The following MYO10 variants were observed in gnomAD, a reference collection of about 807,000 sequenced individuals.
MYO10 encodes unconventional myosin-X.
A neutral mutation model predicts 257.3 loss-of-function variants in MYO10; 133 were observed. The observed-to-expected ratio is 0.52, with a 90% CI of 0.45 to 0.60. The LOEUF is 0.60. MYO10 is among the 20% of genes least tolerant of loss of function. The pLI is 0.00. For missense variants in MYO10, 2,399 were observed against 2,635.7 expected (o/e 0.91, Z 1.97); for synonymous variants, 1,104 against 1,028.6 (o/e 1.07, Z -1.40).
intron 2 of MYO10, among the ~76,000 whole-genome samples, chr5:16,825,080 A>G (rs1742960737): frequency 6.6e-6 from 1 of 152,196 alleles, no homozygotes; most frequent in South Asian, 2.1e-4. Flanking sequence ...TGCATTAATT[A>G]TGGTCAAACA....
intron 5 of MYO10, 69 bp downstream of exon 5, chr5:16,783,266 T>G: frequency 1.4e-6 from 2 of 1,424,974 alleles, no homozygotes; most frequent in Admixed American, 2.9e-5. Flanking sequence ...ATTTTAACTC[T>G]TCTTTAAATA....
chr5:16,703,715 C>T (rs1738195028), intron 22 of MYO10, among the ~76,000 whole-genome samples: 1 of 151,838 alleles, frequency 6.6e-6, no homozygotes, highest in South Asian at 2.1e-4. Context: ...AACCCTGTCT[C>T]TACTAAAAAT....
rs553720508 is a variant in MYO10, at chr5:16,689,698, G to C, written c.3896+126C>G. 54 of 705,860 alleles carry C rather than the reference G, an allele frequency of 7.7e-5. No individual in the cohort carries two copies. In the South Asian group the frequency reaches 9.4e-4, roughly 12 times the overall value. 43.7% of individuals were successfully genotyped at this position (705,860 alleles called of 1,614,324 possible). ...GTGCATCAATCTCGTATGACTCTTG[G>C]TTCTTCAAAAAAAGTCAATTAAAAT... On this transcript the variant is annotated intron_variant, in intron 28 of 40. Transcript: ENST00000513610.
At position 16,680,123 on chromosome 5, in the gene MYO10, C is replaced by A. The variant is rs373001406; in HGVS notation, c.4385-19G>T. 1.4e-5 allele frequency: 22 copies of A among 1,601,414 alleles called. No homozygotes were observed. Among genetic ancestry groups the A allele is most frequent in the Non-Finnish European group, 1.8e-5 (21 of 1,170,594 alleles). On this transcript the variant is annotated intron_variant, in intron 32 of 40. Transcript: ENST00000513610. ...CAGTAGCCTGCAATGGCAGGGGTGCCCAGCACACGCACGTCAACGCCAACC... is the reference window on the plus strand; with the variant it reads ...CAGTAGCCTGCAATGGCAGGGGTGCACAGCACACGCACGTCAACGCCAACC...
chr5:16,777,155 C>T (rs2126665018), intron 9 of MYO10, among the ~76,000 whole-genome samples: 1 of 152,264 alleles, frequency 6.6e-6, no homozygotes, highest in African/African-American at 2.4e-5. Context: ...TAGAAAAACA[C>T]TGCATAAAAC....
At chr5:16,762,766 C>CCT in intron 14 of MYO10, 129 bp from the exon 15 acceptor site, 1 of 618,338 alleles carries the variant, frequency 1.6e-6, no homozygotes, top group Non-Finnish European at 2.8e-6. Flanking sequence ...GAGTTCCAGA[C>CCT]CAGCCTGGCC....
At chr5:16,762,015 A>G (rs781571479) in intron 16 of MYO10, 30 bp downstream of exon 16, 1 of 1,496,716 alleles carries the variant, frequency 6.7e-7, no homozygotes, top group South Asian at 1.3e-5. Context: ...AAACAGGCAA[A>G]TATCAATAGG....
chr5:16,744,541 A>G (rs1303783356), intron 19 of MYO10, among the ~76,000 whole-genome samples: 2 of 151,942 alleles, frequency 1.3e-5, no homozygotes, highest in Admixed American at 1.3e-4. Context: ...GCACCCCGAC[A>G]CCCTGGGTCT....
intron 22 of MYO10, among the ~76,000 whole-genome samples, chr5:16,703,900 A>G (rs1480131549): frequency 6.6e-6 from 1 of 151,126 alleles, no homozygotes; most frequent in African/African-American, 2.4e-5. Context: ...AAAAAAAAAA[A>G]AAAAAAGAAG....
chr5:16,748,058 A>G (rs577125811), intron 19 of MYO10, among the ~76,000 whole-genome samples: 1 of 151,010 alleles, frequency 6.6e-6, no homozygotes, highest in Non-Finnish European at 1.5e-5. Flanking sequence ...CGAACTTTTT[A>G]AAGAAATATT....
chr5:16,720,183 C>T (rs939653560), intron 19 of MYO10, among the ~76,000 whole-genome samples: 36 of 151,998 alleles, frequency 2.4e-4, no homozygotes, highest in African/African-American at 8.0e-4. Flanking sequence ...GTAGAGAGCC[C>T]GAGATCTGGC....
Position 16,666,695 on chromosome 5 carries a change from C to A in MYO10, c.6174G>T (p.Arg2058Ser), listed in dbSNP as rs1262743938. Residue 2058 changes from arginine to serine, a missense_variant, in exon 41 of 41, where the codon AGG (arginine) becomes AGT (serine). By Grantham distance (110) the Arg-to-Ser change is moderately radical (BLOSUM62 -1). Transcript: ENST00000513610. The part of the protein sequence containing the change: ...TRSASSQGSS[R>S] ...ACAGGTGGGCTCTGTCCCGCCTTCA[C>A]CTGGAGCTGCCCTGGCTGCTGGCGG... 4 of 1,599,868 alleles carry A rather than the reference C, an allele frequency of 2.5e-6. No homozygotes were observed. The highest frequency in any genetic ancestry group is 3.4e-6 in the Non-Finnish European group (4 of 1,175,032).
chr5:16,816,184 C>T (rs1238820614), intron 3 of MYO10, among the ~76,000 whole-genome samples: 1 of 151,438 alleles, frequency 6.6e-6, no homozygotes, highest in Non-Finnish European at 1.5e-5. Context: ...ACTGAAAATA[C>T]AAAAATTAGC....
At chr5:16,733,497 C>T (rs889053924) in intron 19 of MYO10, among the ~76,000 whole-genome samples, 4 of 152,164 alleles carry the variant, frequency 2.6e-5, no homozygotes, top group African/African-American at 9.6e-5. Context: ...TCAGTGCCGT[C>T]TGCTCTGAGA....
chr5:16,775,745 G>A (rs1297025994), intron 9 of MYO10, among the ~76,000 whole-genome samples: 1 of 151,082 alleles, frequency 6.6e-6, no homozygotes, highest in Non-Finnish European at 1.5e-5. Flanking sequence ...TGGGACTACA[G>A]GCACGTGCCA....
At position 16,772,040 on chromosome 5, in the gene MYO10, A is replaced by G. The variant is rs182275458; in HGVS notation, c.931-2837T>C. Among the ~76,000 whole-genome samples, 46 of 152,328 alleles carry G rather than the reference A, an allele frequency of 3.0e-4. 2 individuals carry two copies. Among genetic ancestry groups the G allele is most frequent in the Admixed American group, 3.0e-3 (46 of 15,302 alleles). On this transcript the variant is annotated intron_variant, in intron 9 of 40. Transcript: ENST00000513610. Reference sequence around the variant, plus strand: ...AAAACCTTTAGAAAACATTCACTACAGAGTTACCTTAATTAACACTTTCAC... The same window carrying G: ...AAAACCTTTAGAAAACATTCACTACGGAGTTACCTTAATTAACACTTTCAC...
intron 27 of MYO10, among the ~76,000 whole-genome samples, chr5:16,691,607 G>A (rs1737508362): frequency 6.6e-6 from 1 of 151,620 alleles, no homozygotes; most frequent in Admixed American, 6.6e-5. Context: ...GCTGAGGCAG[G>A]AGAATCACTT....
intron 10 of MYO10, among the ~76,000 whole-genome samples, chr5:16,767,086 G>A (rs1412261033): frequency 6.6e-6 from 1 of 150,588 alleles, no homozygotes; most frequent in African/African-American, 2.4e-5. Flanking sequence ...TCTCTCACCA[G>A]TATACAGAAG....
intron 2 of MYO10, among the ~76,000 whole-genome samples, chr5:16,867,948 G>A (rs56798969): frequency 0.34 from 51,699 of 152,032 alleles, 9,292 homozygotes; most frequent in Non-Finnish European, 0.41. Context: ...ACCCTATAGA[G>A]AGACAATTCA....
Sources: allele counts gnomAD v4.1 joint callset (sites outside exome capture counted in the v4.1 genomes callset), GRCh38; gene constraint gnomAD v4.1.1; transcripts MANE v1.5; gene names NCBI Gene and HGNC (gene_info 2026-07-23, HGNC 2026-07-21).